The following GRM8 variants were observed in gnomAD, a reference collection of about 807,000 sequenced individuals.
The protein encoded by GRM8 is metabotropic glutamate receptor 8.
A neutral mutation model predicts 87.2 loss-of-function variants in GRM8; 47 were observed. The observed-to-expected ratio is 0.54, with a 90% CI of 0.43 to 0.69. The LOEUF is 0.69. Among genes scored for constraint, GRM8 ranks in the 30% least tolerant of loss-of-function variants. GRM8 has a pLI of 0.00. For missense variants in GRM8, 1,019 were observed against 1,139.2 expected (o/e 0.89, Z 1.52); for synonymous variants, 396 against 404.5 (o/e 0.98, Z 0.25).
chr7:126,628,849 G>T (rs1271592429), intron 7 of GRM8, among the ~76,000 whole-genome samples: 1 of 151,700 alleles, frequency 6.6e-6, no homozygotes, highest in African/African-American at 2.4e-5. Flanking sequence ...ACTTTGCATG[G>T]ATCAATGATA....
At chr7:126,995,129 C>T (rs1424931191) in intron 3 of GRM8, among the ~76,000 whole-genome samples, 1 of 152,140 alleles carries the variant, frequency 6.6e-6, no homozygotes, top group Non-Finnish European at 1.5e-5. Context: ...TCTTCCAGAC[C>T]TTATCTAAGA....
chr7:127,096,282 G>A (rs1490707972), intron 3 of GRM8, among the ~76,000 whole-genome samples: 1 of 152,116 alleles, frequency 6.6e-6, no homozygotes, highest in Non-Finnish European at 1.5e-5. Flanking sequence ...AATTGAGGCT[G>A]GGTGTGGTGG....
intron 2 of GRM8, among the ~76,000 whole-genome samples, chr7:127,209,020 T>C (rs1403180181): frequency 1.3e-5 from 2 of 152,148 alleles, no homozygotes; most frequent in South Asian, 2.1e-4. Flanking sequence ...GGGATATAAA[T>C]AGGTAAAATG....
At chr7:126,906,319 T>A (rs1802667816) in intron 3 of GRM8, among the ~76,000 whole-genome samples, 1 of 151,962 alleles carries the variant, frequency 6.6e-6, no homozygotes, top group Non-Finnish European at 1.5e-5. Context: ...ATAATTTTTA[T>A]TTTTTATTTT....
intron 9 of GRM8, among the ~76,000 whole-genome samples, chr7:126,481,224 G>T (rs1303016669): frequency 1.3e-5 from 2 of 152,058 alleles, no homozygotes; most frequent in Non-Finnish European, 2.9e-5. Flanking sequence ...AATAAGGGAA[G>T]TAGAAAATCA....
intron 6 of GRM8, among the ~76,000 whole-genome samples, chr7:126,770,859 TTACATGGGG>T (rs1158405510): frequency 1.3e-5 from 2 of 152,026 alleles, no homozygotes; most frequent in African/African-American, 4.8e-5. Context: ...GAGATTATAA[TTACATGGGG>T]TACATGGGGT....
At chr7:126,737,563 G>A (rs778626593) in intron 7 of GRM8, among the ~76,000 whole-genome samples, 4 of 151,884 alleles carry the variant, frequency 2.6e-5, no homozygotes, top group Non-Finnish European at 4.4e-5. Flanking sequence ...TCTAGGCAGC[G>A]GGCAAGGTGG....
At chr7:126,759,352 C>A (rs2151568928) in intron 7 of GRM8, among the ~76,000 whole-genome samples, 1 of 151,976 alleles carries the variant, frequency 6.6e-6, no homozygotes, top group East Asian at 1.9e-4. Flanking sequence ...AAATAATTAT[C>A]CCTAATAACA....
intron 2 of GRM8, among the ~76,000 whole-genome samples, chr7:127,137,623 T>C (rs2133252169): frequency 6.6e-6 from 1 of 152,276 alleles, no homozygotes; most frequent in East Asian, 1.9e-4. Flanking sequence ...TAATGAGCTG[T>C]TGTTTTTCTA....
intron 2 of GRM8, among the ~76,000 whole-genome samples, chr7:127,183,507 T>C (rs1336934101): frequency 2.6e-5 from 4 of 151,604 alleles, no homozygotes; most frequent in African/African-American, 9.7e-5. Flanking sequence ...AATGAAAACA[T>C]AGCACCAAAA....
intron 9 of GRM8, among the ~76,000 whole-genome samples, chr7:126,486,835 T>G (rs1318394377): frequency 5.3e-5 from 8 of 152,138 alleles, no homozygotes; most frequent in African/African-American, 1.7e-4. Context: ...TGTGATTTAC[T>G]GAAGGGCTTA....
At chr7:127,145,609 A>G (rs1828513256) in intron 2 of GRM8, among the ~76,000 whole-genome samples, 1 of 152,150 alleles carries the variant, frequency 6.6e-6, no homozygotes, top group Non-Finnish European at 1.5e-5. Context: ...AAATGGCATT[A>G]TTAATTTCTC....
intron 3 of GRM8, among the ~76,000 whole-genome samples, chr7:126,942,759 G>T (rs745307196): frequency 6.6e-6 from 1 of 152,114 alleles, no homozygotes; most frequent in Non-Finnish European, 1.5e-5. Flanking sequence ...GAGACTCACC[G>T]GTGCTAACCT....
chr7:126,561,974 T>A (rs1793757843), intron 8 of GRM8, among the ~76,000 whole-genome samples: 1 of 152,100 alleles, frequency 6.6e-6, no homozygotes, highest in Non-Finnish European at 1.5e-5. Flanking sequence ...TATTTAAAAA[T>A]TATATTTATT....
At chr7:126,513,652 T>C (rs1811748919) in intron 9 of GRM8, among the ~76,000 whole-genome samples, 2 of 152,144 alleles carry the variant, frequency 1.3e-5, no homozygotes, top group African/African-American at 4.8e-5. Flanking sequence ...CCCTTCATTA[T>C]CACCTCTCTC....
intron 9 of GRM8, among the ~76,000 whole-genome samples, chr7:126,454,966 A>T (rs1218921625): frequency 6.6e-6 from 1 of 151,724 alleles, no homozygotes; most frequent in African/African-American, 2.4e-5. Context: ...GATATCACTG[A>T]AAAAGTTCTG....
chr7:126,765,317 A>T (rs1430831352), intron 7 of GRM8, among the ~76,000 whole-genome samples: 2 of 151,850 alleles, frequency 1.3e-5, no homozygotes, highest in African/African-American at 4.8e-5. Context: ...CTTTCTTTAG[A>T]CTCGTTTCTA....
Position 126,537,457 on chromosome 7 carries a change from C to G in GRM8, c.1495-3570G>C, listed in dbSNP as rs142056915. Among the ~76,000 whole-genome samples, 366 of 152,234 alleles carry G rather than the reference C, an allele frequency of 2.4e-3. 3 individuals are homozygous for G. Among genetic ancestry groups the G allele is most frequent in the African/African-American group, 8.5e-3 (353 of 41,556 alleles). Reference sequence around the variant, plus strand: ...TATTTGAGACTAACAACTTATTTTACATAGTTGCTAAATGATGATTAAAAC... The same window carrying G: ...TATTTGAGACTAACAACTTATTTTAGATAGTTGCTAAATGATGATTAAAAC... On this transcript the variant is annotated intron_variant, in intron 8 of 10. Transcript: ENST00000339582.
intron 2 of GRM8, among the ~76,000 whole-genome samples, chr7:127,114,975 T>G (rs554172196): frequency 6.6e-6 from 1 of 152,168 alleles, no homozygotes; most frequent in East Asian, 1.9e-4. Context: ...GAGGTCGAGG[T>G]TGGCAGTTGT....
Sources: allele counts gnomAD v4.1 joint callset (sites outside exome capture counted in the v4.1 genomes callset), GRCh38; gene constraint gnomAD v4.1.1; transcripts MANE v1.5; gene names NCBI Gene and HGNC (gene_info 2026-07-23, HGNC 2026-07-21).